Variants in MYO16 observed in about 807,000 individuals in gnomAD.
MYO16 encodes the protein myosin XVI.
In MYO16, 94 loss-of-function variants were observed where a neutral mutation model predicts 205.3. The ratio of observed to expected loss-of-function variants is 0.46; its 90% CI spans 0.39 to 0.54. The LOEUF (loss-of-function observed/expected upper bound fraction) is 0.54. Ranked by LOEUF, MYO16 falls within the 20% of genes least tolerant of loss-of-function variation. The pLI, the probability that MYO16 is intolerant of heterozygous loss-of-function variation, is 0.00. For synonymous variants in MYO16, 988 were observed against 954.0 expected (o/e 1.04, Z -0.66); for missense variants, 2,315 against 2,387.5 (o/e 0.97, Z 0.63).
intron 15 of MYO16, among the ~76,000 whole-genome samples, chr13:108,898,617 T>C (rs1880556523): frequency 6.6e-6 from 1 of 152,088 alleles, no homozygotes; most frequent in African/African-American, 2.4e-5. Flanking sequence ...CTTCACATAA[T>C]ACACATTGAA....
chr13:108,538,387 AT>A, the MYO16 span, among the ~76,000 whole-genome samples: 1 of 152,192 alleles, frequency 6.6e-6, no homozygotes, highest in African/African-American at 2.4e-5. Context: ...AGTGAGCAAG[AT>A]TTTTCACTTT....
chr13:109,031,671 C>G (rs1305603005), intron 23 of MYO16, among the ~76,000 whole-genome samples: 2 of 152,138 alleles, frequency 1.3e-5, no homozygotes, highest in African/African-American at 4.8e-5. Flanking sequence ...AGAACAGACA[C>G]AATTCAGAAG....
At chr13:108,728,985 CT>C (rs138750767) in intron 4 of MYO16, among the ~76,000 whole-genome samples, 3,019 of 144,494 alleles carry the variant, frequency 0.021, 91 homozygotes, top group African/African-American at 0.07. Context: ...TGTACACTTT[CT>C]TTTTTTTTTT....
At chr13:109,075,699 G>C (rs1342737634) in intron 27 of MYO16, among the ~76,000 whole-genome samples, 1 of 151,930 alleles carries the variant, frequency 6.6e-6, no homozygotes, top group Non-Finnish European at 1.5e-5. Flanking sequence ...GGGCTTATTT[G>C]CCATCCTTAC....
chr13:108,556,287 C>T, the MYO16 span, among the ~76,000 whole-genome samples: 4 of 151,020 alleles, frequency 2.6e-5, no homozygotes, highest in African/African-American at 9.9e-5. Context: ...CTTTTCTCCA[C>T]ATCCTTGCAA....
chr13:109,018,769 C>T (rs1414775317), intron 22 of MYO16, among the ~76,000 whole-genome samples: 3 of 152,198 alleles, frequency 2.0e-5, no homozygotes, highest in African/African-American at 7.2e-5. Flanking sequence ...CGACCCCTTG[C>T]ACTTCCTGGG....
intron 2 of MYO16, among the ~76,000 whole-genome samples, chr13:108,700,876 C>T (rs964169723): frequency 2.0e-5 from 3 of 152,038 alleles, no homozygotes; most frequent in African/African-American, 4.8e-5. Context: ...CATAAGATAC[C>T]TGGGAAGACC....
chr13:108,861,974 C>A (rs1365212682), intron 11 of MYO16, among the ~76,000 whole-genome samples: 3 of 152,054 alleles, frequency 2.0e-5, no homozygotes, highest in African/African-American at 7.2e-5. Flanking sequence ...CTTTTTGTGA[C>A]CTGTTTAAGA....
At chr13:108,678,059 T>C (rs1882308048) in intron 2 of MYO16, among the ~76,000 whole-genome samples, 1 of 152,356 alleles carries the variant, frequency 6.6e-6, no homozygotes, top group Middle Eastern at 3.4e-3. Flanking sequence ...CCTCTGACAG[T>C]GCCACCATAG....
At chr13:108,853,184 C>T (rs1877977888) in intron 10 of MYO16, among the ~76,000 whole-genome samples, 1 of 152,174 alleles carries the variant, frequency 6.6e-6, no homozygotes, top group East Asian at 1.9e-4. Flanking sequence ...AGGTAGCGCT[C>T]GGTGCCTATG....
chr13:109,137,568 A>G (rs1368930568), intron 31 of MYO16, among the ~76,000 whole-genome samples: 2 of 152,154 alleles, frequency 1.3e-5, no homozygotes, highest in Non-Finnish European at 2.9e-5. Context: ...AGAACTGCAC[A>G]CTTTGGGTAC....
the MYO16 span, among the ~76,000 whole-genome samples, chr13:108,587,385 C>A: frequency 6.6e-6 from 1 of 152,066 alleles, no homozygotes. Context: ...GTGTCAATTT[C>A]TATGTTTATT....
In MYO16 at chr13:108,897,205, C is replaced by T. The variant is rs564766981; in HGVS notation, c.1660-811C>T. 5.3e-5 allele frequency among the ~76,000 whole-genome samples: 8 copies of T among 152,226 alleles called. No homozygotes were observed. The South Asian group carries it at 1.7e-3, about 32-fold the overall frequency. On this transcript the variant is annotated intron_variant, in intron 14 of 34. Coordinates refer to ENST00000457511, the MANE Select transcript of MYO16 (RefSeq NM_001198950.3). ...CTATCATGCAAGAGATACCCTTGAA[C>T]CCTCCAGATTTTCATACATTTTGGA...
chr13:108,777,772 ATGT>A (rs1886169982), intron 4 of MYO16, among the ~76,000 whole-genome samples: 1 of 152,136 alleles, frequency 6.6e-6, no homozygotes, highest in South Asian at 2.1e-4. Context: ...TGTTTGTCTA[ATGT>A]TGTAAGAATC....
the MYO16 span, among the ~76,000 whole-genome samples, chr13:108,527,405 C>T: frequency 6.6e-6 from 1 of 152,012 alleles, no homozygotes; most frequent in Non-Finnish European, 1.5e-5. Flanking sequence ...AAGTGCATAC[C>T]TTGATTTAAC....
chr13:108,899,713 C>A (rs1445784397), intron 15 of MYO16, among the ~76,000 whole-genome samples: 1 of 152,188 alleles, frequency 6.6e-6, no homozygotes, highest in Admixed American at 6.5e-5. Flanking sequence ...CCCCTGAGCT[C>A]TCAGTGACTG....
the MYO16 span, among the ~76,000 whole-genome samples, chr13:108,510,381 T>G: frequency 6.7e-6 from 1 of 148,782 alleles, no homozygotes; most frequent in East Asian, 2.0e-4. Context: ...CGTCCCAAAG[T>G]GCTGGGATTA....
At chr13:109,056,321 T>A (rs1236368419) in intron 27 of MYO16, among the ~76,000 whole-genome samples, 1 of 152,156 alleles carries the variant, frequency 6.6e-6, no homozygotes, top group South Asian at 2.1e-4. Flanking sequence ...CCCAGCCATT[T>A]GCAAGAAGCA....
intron 22 of MYO16, among the ~76,000 whole-genome samples, chr13:109,019,189 G>A (rs1343428467): frequency 6.6e-6 from 1 of 151,954 alleles, no homozygotes; most frequent in African/African-American, 2.4e-5. Flanking sequence ...ATGTTTCCCA[G>A]GCTGGTCTCA....
Sources: allele counts gnomAD v4.1 joint callset (sites outside exome capture counted in the v4.1 genomes callset), GRCh38; gene constraint gnomAD v4.1.1; transcripts MANE v1.5; gene names NCBI Gene and HGNC (gene_info 2026-07-23, HGNC 2026-07-21).